Variants in DCLK1 observed in about 807,000 individuals in gnomAD.
DCLK1 encodes serine/threonine-protein kinase DCLK1.
In DCLK1, 16 loss-of-function variants were observed where a neutral mutation model predicts 86.2. That is an observed-to-expected ratio of 0.19 (90% CI 0.13 to 0.28). The LOEUF is 0.28. Among genes scored for constraint, DCLK1 ranks in the 10% least tolerant of loss-of-function variants. The pLI is 1.00. For synonymous variants in DCLK1, 369 were observed against 370.5 expected (o/e 1.00, Z 0.05); for missense variants, 590 against 940.2 (o/e 0.63, Z 4.87).
intron 3 of DCLK1, among the ~76,000 whole-genome samples, chr13:36,046,923 T>A (rs1343178505): frequency 2.6e-5 from 4 of 152,182 alleles, no homozygotes; most frequent in African/African-American, 9.7e-5. Flanking sequence ...CTTCATGACC[T>A]ACATCACACT....
At chr13:35,777,138 C>T (rs145760475) in intron 16 of DCLK1, among the ~76,000 whole-genome samples, 72 of 152,310 alleles carry the variant, frequency 4.7e-4, no homozygotes, top group Middle Eastern at 3.4e-3. Context: ...GTAGATAAGA[C>T]CTCATGCACA....
At chr13:35,895,640 T>C (rs959628621) in intron 4 of DCLK1, among the ~76,000 whole-genome samples, 2 of 152,136 alleles carry the variant, frequency 1.3e-5, no homozygotes, top group African/African-American at 4.8e-5. Flanking sequence ...TAAATTATTT[T>C]ATGACAAGAT....
At chr13:35,993,363 A>G (rs1880322487) in intron 3 of DCLK1, among the ~76,000 whole-genome samples, 1 of 152,184 alleles carries the variant, frequency 6.6e-6, no homozygotes, top group Non-Finnish European at 1.5e-5. Context: ...TTCATGCCTC[A>G]GTTCTGTCTC....
At position 36,067,286 on chromosome 13, in the gene DCLK1, T is replaced by C. The variant is rs534383260; in HGVS notation, c.723+44583A>G. Among the ~76,000 whole-genome samples the C allele has an allele frequency of 2.6e-3, 393 of 148,460 alleles. 1 individual carries two copies. Among genetic ancestry groups the C allele is most frequent in the African/African-American group, 9.0e-3 (363 of 40,214 alleles). On this transcript the variant is annotated intron_variant, in intron 3 of 16. Coordinates refer to ENST00000360631, the MANE Select transcript of DCLK1 (RefSeq NM_001330071.2). ...ACATGGATGAAATTGGAAATCATCA[T>C]TCTCAGTAAACTATCGCAAGGACAA...
intron 1 of DCLK1, among the ~76,000 whole-genome samples, chr13:36,127,681 AATAGAATCT>A (rs1257283980): frequency 6.6e-6 from 1 of 152,206 alleles, no homozygotes; most frequent in Admixed American, 6.5e-5. Context: ...AGCTAGCAGG[AATAGAATCT>A]TTCCTTTCTG....
chr13:36,047,965 C>A (rs564004195), intron 3 of DCLK1, among the ~76,000 whole-genome samples: 4 of 152,164 alleles, frequency 2.6e-5, no homozygotes, highest in African/African-American at 9.6e-5. Flanking sequence ...CTCTAAAAAA[C>A]CCCAAACCAA....
intron 6 of DCLK1, chr13:35,850,249 A>G (rs1348677005): frequency 1.0e-6 from 1 of 984,230 alleles, no homozygotes; most frequent in African/African-American, 1.7e-5. Context: ...AGCAATTCAA[A>G]TTTTAAAAAC....
chr13:35,894,155 C>A (rs1009141226), intron 4 of DCLK1, among the ~76,000 whole-genome samples: 10 of 151,838 alleles, frequency 6.6e-5, no homozygotes, highest in African/African-American at 2.2e-4. Flanking sequence ...AAAAAAACAA[C>A]CAAACCCTTG....
intron 3 of DCLK1, among the ~76,000 whole-genome samples, chr13:36,037,283 G>A (rs925080984): frequency 6.6e-6 from 1 of 152,052 alleles, no homozygotes; most frequent in Non-Finnish European, 1.5e-5. Flanking sequence ...TGATTGAAGG[G>A]TACAAGCACA....
chr13:36,065,606 A>T (rs1410169207), intron 3 of DCLK1, among the ~76,000 whole-genome samples: 1 of 152,202 alleles, frequency 6.6e-6, no homozygotes, highest in Non-Finnish European at 1.5e-5. Flanking sequence ...AAACCCTCTT[A>T]TCTCTAGAAC....
chr13:35,846,651 T>C (rs1408409654), intron 6 of DCLK1: 1 of 985,388 alleles, frequency 1.0e-6, no homozygotes, highest in Non-Finnish European at 1.2e-6. Context: ...AATTGGTATA[T>C]TGAATTCAGT....
At chr13:36,004,664 C>T (rs1880868408) in intron 3 of DCLK1, among the ~76,000 whole-genome samples, 1 of 152,052 alleles carries the variant, frequency 6.6e-6, no homozygotes, top group Non-Finnish European at 1.5e-5. Context: ...CAATCTCGGC[C>T]TCCGGGGTTC....
At chr13:35,822,708 T>C in intron 11 of DCLK1, 21 bp downstream of exon 11, 2 of 1,613,936 alleles carry the variant, frequency 1.2e-6, no homozygotes, top group Non-Finnish European at 1.7e-6. Context: ...CAGGATGCCC[T>C]GTAGGTGGAA....
intron 4 of DCLK1, among the ~76,000 whole-genome samples, chr13:35,874,084 T>C (rs1316497075): frequency 1.3e-5 from 2 of 152,168 alleles, no homozygotes; most frequent in African/African-American, 2.4e-5. Flanking sequence ...TTATATATTT[T>C]AAATCCCATT....
intron 3 of DCLK1, among the ~76,000 whole-genome samples, chr13:35,970,881 A>G (rs1423865894): frequency 6.6e-6 from 1 of 152,200 alleles, no homozygotes; most frequent in Non-Finnish European, 1.5e-5. Flanking sequence ...TCAGTGCCCT[A>G]AATGTTAATC....
chr13:36,067,302 G>A (rs9565832), intron 3 of DCLK1, among the ~76,000 whole-genome samples: 25,663 of 147,558 alleles, frequency 0.17, 2,599 homozygotes, highest in East Asian at 0.46. Context: ...GTAAACTATC[G>A]CAAGGACAAA....
At chr13:35,974,731 A>C (rs1447072199) in intron 3 of DCLK1, among the ~76,000 whole-genome samples, 2 of 152,206 alleles carry the variant, frequency 1.3e-5, no homozygotes, top group Admixed American at 1.3e-4. Context: ...TCATGAGCCA[A>C]CTAAACCTCT....
In DCLK1 at chr13:35,822,888, C is replaced by G; in HGVS notation, c.1408-13G>C. On this transcript the variant is annotated splice_polypyrimidine_tract_variant and intron_variant, in intron 10 of 16. Coordinates refer to ENST00000360631, the MANE Select transcript of DCLK1 (RefSeq NM_001330071.2). The stretch of plus-strand genomic sequence containing the variant: ...AAAGGTCTCCCCCCTGAGAAGAGAA[C>G]AGAAGCTGAAGCAGCACATTAACAG... 3.1e-6 allele frequency: 5 copies of G among 1,613,566 alleles called. No individual in the cohort carries two copies. Among genetic ancestry groups the G allele is most frequent in the Non-Finnish European group, 4.2e-6 (5 of 1,179,864 alleles).
chr13:36,033,462 C>T (rs970127680), intron 3 of DCLK1, among the ~76,000 whole-genome samples: 1 of 152,156 alleles, frequency 6.6e-6, no homozygotes, highest in Non-Finnish European at 1.5e-5. Flanking sequence ...GCTTTGGAAT[C>T]AAACAGTTTA....
Sources: gnomAD v4.1 joint callset for allele counts (sites outside exome capture counted in the v4.1 genomes callset) on GRCh38, gnomAD v4.1.1 for gene constraint, MANE v1.5 for transcripts, NCBI Gene and HGNC (gene_info 2026-07-23, HGNC 2026-07-21) for gene names.